The following MSH4 variants were observed in gnomAD, a reference collection of about 807,000 sequenced individuals.
The protein encoded by MSH4 is mutS homolog 4.
In MSH4, 106 loss-of-function variants were observed where a neutral mutation model predicts 113.7. The ratio of observed to expected loss-of-function variants is 0.93; its 90% CI spans 0.80 to 1.10. MSH4 has a LOEUF of 1.10. Ranked by LOEUF, MSH4 falls within the 50% of genes least tolerant of loss-of-function variation. The pLI is 0.00. For missense variants in MSH4, 1,061 were observed against 1,093.7 expected (o/e 0.97, Z 0.42); for synonymous variants, 368 against 380.2 (o/e 0.97, Z 0.37).
At chr1:75,822,629 C>A (rs1650447642) in intron 7 of MSH4, 48 bp downstream of exon 7, 4 of 995,174 alleles carry the variant, frequency 4.0e-6, no homozygotes, top group South Asian at 2.8e-5. Flanking sequence ...TTGAAAAATA[C>A]AGTTGGCTTA....
chr1:75,895,734 A>C (rs1652364781), intron 17 of MSH4, among the ~76,000 whole-genome samples: 1 of 152,216 alleles, frequency 6.6e-6, no homozygotes, highest in Admixed American at 6.5e-5. Context: ...GATATCAAGA[A>C]GAATGAACAT....
chr1:75,826,056 T>C (rs375614408), intron 7 of MSH4, among the ~76,000 whole-genome samples: 1 of 152,302 alleles, frequency 6.6e-6, no homozygotes, highest in Non-Finnish European at 1.5e-5. Context: ...CTCCTCCTTG[T>C]ACCTCTGGTA....
At chr1:75,846,294 C>T (rs1203281366) in intron 7 of MSH4, among the ~76,000 whole-genome samples, 1 of 152,170 alleles carries the variant, frequency 6.6e-6, no homozygotes, top group Non-Finnish European at 1.5e-5. Context: ...GTATTCTCCC[C>T]CAAACATACA....
At chr1:75,803,401 G>A (rs1649982119) in intron 1 of MSH4, among the ~76,000 whole-genome samples, 1 of 152,114 alleles carries the variant, frequency 6.6e-6, no homozygotes, top group Admixed American at 6.6e-5. Flanking sequence ...GGCAGATCAT[G>A]AGGTCAGGAA....
At chr1:75,875,000 C>T (rs539889315) in intron 9 of MSH4, among the ~76,000 whole-genome samples, 2 of 152,218 alleles carry the variant, frequency 1.3e-5, no homozygotes, top group East Asian at 3.9e-4. Context: ...TCAAGCCATC[C>T]TCCCACCTCA....
chr1:75,907,684 C>CTCTCTCTACATATATATATATATATA (rs1307238647), intron 19 of MSH4, among the ~76,000 whole-genome samples: 1 of 46,576 alleles, frequency 2.1e-5, no homozygotes, highest in African/African-American at 9.9e-5. Flanking sequence ...CTCTCTCTCT[C>CTCTCTCTACATATATATATATATATA]TATACATATA....
At chr1:75,882,793 T>C (rs1330464007) in intron 14 of MSH4, among the ~76,000 whole-genome samples, 2 of 151,792 alleles carry the variant, frequency 1.3e-5, no homozygotes. Context: ...CAATAAGCTA[T>C]GATTTTGCCA....
intron 9 of MSH4, among the ~76,000 whole-genome samples, chr1:75,871,285 C>G (rs917517374): frequency 2.6e-5 from 4 of 152,124 alleles, no homozygotes; most frequent in African/African-American, 9.7e-5. Context: ...TGGTCTCTCC[C>G]TGGAAAAGTG....
chr1:75,855,968 T>C (rs994924503), intron 8 of MSH4, among the ~76,000 whole-genome samples: 2 of 152,210 alleles, frequency 1.3e-5, no homozygotes, highest in African/African-American at 4.8e-5. Flanking sequence ...TATAGTATTA[T>C]GCAATCACAC....
At chr1:75,846,609 T>C (rs1465771037) in intron 7 of MSH4, among the ~76,000 whole-genome samples, 1 of 152,248 alleles carries the variant, frequency 6.6e-6, no homozygotes, top group African/African-American at 2.4e-5. Flanking sequence ...CAGTTCCACC[T>C]GAGTCCTCAT....
At chr1:75,838,178 C>T (rs1650872940) in intron 7 of MSH4, among the ~76,000 whole-genome samples, 1 of 152,184 alleles carries the variant, frequency 6.6e-6, no homozygotes, top group Non-Finnish European at 1.5e-5. Context: ...TTTCCAAAGG[C>T]TCTGGAGGGG....
intron 7 of MSH4, among the ~76,000 whole-genome samples, chr1:75,827,723 T>A (rs910169566): frequency 6.8e-6 from 1 of 147,592 alleles, no homozygotes; most frequent in Non-Finnish European, 1.5e-5. Flanking sequence ...TCTGATAAAA[T>A]GGACTTTAAA....
At chr1:75,902,707 A>AGTTCT (rs1652534325) in intron 19 of MSH4, among the ~76,000 whole-genome samples, 4 of 44,512 alleles carry the variant, frequency 9.0e-5, no homozygotes, top group Non-Finnish European at 1.3e-4. Context: ...ATATATATAT[A>AGTTCT]TATATATATA....
chr1:75,881,242 T>G lies in MSH4; in HGVS notation c.1782-4T>G. 6.3e-7 allele frequency: 1 copy of G among 1,594,734 alleles called. No homozygotes were observed. Among genetic ancestry groups the G allele is most frequent in the Non-Finnish European group, 8.6e-7 (1 of 1,166,586 alleles). ...ATTACATGTCTTACCAAACGTGTTT[T>G]CAGGATAGTGTGCAAACTGCTTAGT... On this transcript the variant is annotated splice_polypyrimidine_tract_variant and splice_region_variant and intron_variant, in intron 13 of 19. Transcript: ENST00000263187.
intron 6 of MSH4, among the ~76,000 whole-genome samples, chr1:75,821,449 A>G (rs1027698760): frequency 3.3e-5 from 5 of 152,016 alleles, no homozygotes; most frequent in Non-Finnish European, 5.9e-5. Flanking sequence ...CACAAGAGAA[A>G]GCAGGAAAGA....
chr1:75,886,450 A>G (rs1362310788), intron 15 of MSH4, among the ~76,000 whole-genome samples: 3 of 122,264 alleles, frequency 2.5e-5, no homozygotes, highest in African/African-American at 9.8e-5. Flanking sequence ...TATATAATAT[A>G]TATGATGTAT....
At chr1:75,906,720 C>T (rs559452371) in intron 19 of MSH4, among the ~76,000 whole-genome samples, 1 of 148,132 alleles carries the variant, frequency 6.8e-6, no homozygotes, top group Non-Finnish European at 1.5e-5. Flanking sequence ...ACACTCCGTA[C>T]TTTAACTTCA....
rs147921548 is a variant in MSH4, at chr1:75,900,597, G to A, written c.2619+891G>A. Among the ~76,000 whole-genome samples, 45 of 152,116 alleles carry A rather than the reference G, an allele frequency of 3.0e-4. No homozygotes were observed. The East Asian group carries it at 7.9e-3, about 27-fold the overall frequency. On this transcript the variant is annotated intron_variant, in intron 19 of 19. Coordinates refer to ENST00000263187, the MANE Select transcript of MSH4 (RefSeq NM_002440.4). The stretch of plus-strand genomic sequence containing the variant: ...GCTGGGATTACAGGTGTGAGCAACC[G>A]CTCCCAGCTGCTTTACAGTGTTTTA...
intron 7 of MSH4, among the ~76,000 whole-genome samples, chr1:75,847,489 A>G (rs1651099074): frequency 6.6e-6 from 1 of 152,210 alleles, no homozygotes. Context: ...CAATATCAAA[A>G]CCAGAGAAGT....
Sources: allele counts gnomAD v4.1 joint callset (sites outside exome capture counted in the v4.1 genomes callset), GRCh38; gene constraint gnomAD v4.1.1; transcripts MANE v1.5; gene names NCBI Gene and HGNC (gene_info 2026-07-23, HGNC 2026-07-21).